FBXO36: variants seen among roughly 807,000 people sequenced by gnomAD.
FBXO36 encodes the protein F-box only protein 36.
Under a neutral mutation model 17.0 loss-of-function variants are expected in FBXO36, and 18 were observed. That is an observed-to-expected ratio of 1.06 (90% CI 0.73 to 1.57). The LOEUF is 1.57. FBXO36 is among the 40% of genes most tolerant of loss of function. FBXO36 has a pLI of 0.00. For synonymous variants in FBXO36, 83 were observed against 85.3 expected, an observed-to-expected ratio of 0.97 and a Z score of 0.15; for missense variants, 229 against 221.9, an observed-to-expected ratio of 1.03 and a Z score of -0.20.
Position 229,940,980 on chromosome 2 carries a change from G to A in FBXO36, c.96+18371G>A, listed in dbSNP as rs114106483. On this transcript the variant is annotated intron_variant, in intron 1 of 3. Transcript: ENST00000283946. ...ATAGAGTTGCCTGGGTGTGTTGCTC[G>A]TTTCACACCTGTCCAAGCCTCCACC... is the stretch of plus-strand genomic sequence containing the variant. Among the ~76,000 whole-genome samples, 1,000 of 152,178 alleles carry A rather than the reference G, an allele frequency of 6.6e-3. 12 individuals carry two copies. The highest frequency in any genetic ancestry group is 0.023 in the African/African-American group (954 of 41,512).
At chr2:229,935,584 C>T (rs535076155) in intron 1 of FBXO36, among the ~76,000 whole-genome samples, 3 of 151,986 alleles carry the variant, frequency 2.0e-5, no homozygotes, top group Admixed American at 6.6e-5. Context: ...TAGTAATTTT[C>T]AATGCTTTTT....
intron 1 of FBXO36, among the ~76,000 whole-genome samples, chr2:229,922,920 C>G (rs908904809): frequency 1.2e-4 from 18 of 152,206 alleles, no homozygotes; most frequent in African/African-American, 4.3e-4. Flanking sequence ...AAACGGGCGT[C>G]TCCGGCTTGC....
chr2:229,933,170 A>C (rs991217216), intron 1 of FBXO36, among the ~76,000 whole-genome samples: 1 of 152,288 alleles, frequency 6.6e-6, no homozygotes, highest in East Asian at 1.9e-4. Flanking sequence ...AGGCGGGTGG[A>C]TCACCTGAGG....
rs1435824441 is a variant in FBXO36 at position 230,010,790 on chromosome 2, G to A, written c.473G>A (p.Trp158Ter). 6.2e-6 allele frequency: 10 copies of A among 1,613,864 alleles called. No individual in the cohort carries two copies. Among genetic ancestry groups the A allele is most frequent in the South Asian group, 3.3e-5 (3 of 91,076 alleles). The change falls in exon 4 of 4, where the codon TGG becomes TAG. Residue 158 changes from tryptophan to a stop codon, truncating the protein, a stop_gained. Coordinates refer to ENST00000283946, the MANE Select transcript of FBXO36 (RefSeq NM_174899.5). LOFTEE classifies it low-confidence loss of function (END_TRUNC). ...AGGGCCCTGGCGGAGGACACAGGCT[G>A]GAGACAGCTGTTCTTCACCAACAAG... ...DVRALAEDTG[W>*]RQLFFTNKLQ...
At chr2:229,932,045 A>C (rs774687704) in intron 1 of FBXO36, among the ~76,000 whole-genome samples, 30 of 151,776 alleles carry the variant, frequency 2.0e-4, no homozygotes, top group Admixed American at 5.3e-4. Context: ...GCCCCCTGAA[A>C]ATAGCAGAGA....
At chr2:229,991,178 G>C (rs989365267) in intron 2 of FBXO36, among the ~76,000 whole-genome samples, 2 of 151,938 alleles carry the variant, frequency 1.3e-5, no homozygotes, top group South Asian at 4.2e-4. Context: ...TTAAGTAATC[G>C]GCCCACCTTG....
intron 1 of FBXO36, among the ~76,000 whole-genome samples, chr2:229,939,461 AT>A (rs1197189630): frequency 6.6e-6 from 1 of 151,904 alleles, no homozygotes; most frequent in Non-Finnish European, 1.5e-5. Flanking sequence ...AAAAAAAAAA[AT>A]TAGCCGGACA....
At chr2:229,932,434 C>A (rs947766029) in intron 1 of FBXO36, among the ~76,000 whole-genome samples, 7 of 152,090 alleles carry the variant, frequency 4.6e-5, no homozygotes, top group African/African-American at 1.7e-4. Flanking sequence ...GCAGGAGAAT[C>A]ACTTGAACCC....
intron 1 of FBXO36, among the ~76,000 whole-genome samples, chr2:229,929,836 G>A (rs2076930571): frequency 6.6e-6 from 1 of 152,186 alleles, no homozygotes; most frequent in Admixed American, 6.5e-5. Context: ...TCCAGCTTGT[G>A]CAACAGAGTA....
At chr2:229,926,871 G>GT (rs2076915476) in intron 1 of FBXO36, among the ~76,000 whole-genome samples, 1 of 147,834 alleles carries the variant, frequency 6.8e-6, no homozygotes, top group African/African-American at 2.5e-5. Flanking sequence ...TTTTTTTTTT[G>GT]TTTTTGCAAC....
In FBXO36 at chr2:229,954,234, A is replaced by ATTTTTTTTTTTTTTTTTTTTT. The variant is rs60093081; in HGVS notation, c.97-22001_97-21981dup. Reference sequence around the variant, plus strand: ...GCAACTGTCATTACAAACCCTTTGGATTTTTTTTTTTTTTTTTTTTTTTTT... The same window carrying ATTTTTTTTTTTTTTTTTTTTT: ...GCAACTGTCATTACAAACCCTTTGGATTTTTTTTTTTTTTTTTTTTTTTTTTTTTTTTTTTTTTTTTTTTTT... On this transcript the variant is annotated intron_variant, in intron 1 of 3. Coordinates refer to ENST00000283946, the MANE Select transcript of FBXO36 (RefSeq NM_174899.5). 2.1e-3 allele frequency among the ~76,000 whole-genome samples: 147 copies of ATTTTTTTTTTTTTTTTTTTTT among 71,400 alleles called. 34 individuals carry two copies. The highest frequency in any genetic ancestry group is 2.4e-3 in the Non-Finnish European group (92 of 38,928). 46.8% of individuals were successfully genotyped at this position (71,400 alleles called of 152,430 possible). A position where few individuals can be genotyped will look rare whatever the true frequency, so the allele number is the denominator to read the frequency against.
intron 3 of FBXO36, among the ~76,000 whole-genome samples, chr2:230,008,123 T>C (rs1477460664): frequency 1.3e-5 from 2 of 152,142 alleles, no homozygotes; most frequent in African/African-American, 2.4e-5. Flanking sequence ...GGAGATCTCC[T>C]AGCATCACTG....
At chr2:229,961,721 C>T (rs2077122535) in intron 1 of FBXO36, among the ~76,000 whole-genome samples, 3 of 151,952 alleles carry the variant, frequency 2.0e-5, no homozygotes, top group African/African-American at 7.2e-5. Flanking sequence ...CCTCTTTCCC[C>T]GAAAAAGGTG....
intron 2 of FBXO36, among the ~76,000 whole-genome samples, chr2:229,977,730 G>A (rs769415539): frequency 4.6e-5 from 7 of 152,004 alleles, no homozygotes; most frequent in African/African-American, 1.4e-4. Context: ...AATTACAGGC[G>A]TGAGCCACTG....
chr2:229,972,903 A>G (rs2077188048), intron 1 of FBXO36, among the ~76,000 whole-genome samples: 1 of 151,906 alleles, frequency 6.6e-6, no homozygotes, highest in African/African-American at 2.4e-5. Flanking sequence ...CTCTACTAAA[A>G]ATACAAAAAT....
rs1237363563 is a variant in FBXO36, at chr2:229,961,108, CA to C, written c.97-15121del. Among the ~76,000 whole-genome samples the C allele has an allele frequency of 1.4e-3, 194 of 138,546 alleles. 1 individual carries two copies. Among genetic ancestry groups the C allele is most frequent in the Non-Finnish European group, 2.1e-3 (136 of 63,606 alleles). The allele number at this position is 138,546 out of a possible 152,430, so 90.9% of individuals were successfully genotyped here. ...TGGGCCTCAGAGCGAGACTCCATCT[CA>C]AAAAAAAAAAATAAATTTATTCCTT... On this transcript the variant is annotated intron_variant, in intron 1 of 3. Transcript: ENST00000283946.
chr2:229,981,567 G>A (rs960434155), intron 2 of FBXO36, among the ~76,000 whole-genome samples: 25 of 151,674 alleles, frequency 1.6e-4, no homozygotes, highest in African/African-American at 5.8e-4. Flanking sequence ...TTGGCTGGGC[G>A]TGGTGGTGCC....
At chr2:229,976,578 T>TG (rs1381911941) in intron 2 of FBXO36, 1 of 344,656 alleles carries the variant, frequency 2.9e-6, no homozygotes, top group East Asian at 6.1e-5. Context: ...CCCAACACTT[T>TG]GGGAGGCCGA....
rs150037514 is a variant in FBXO36 at position 229,990,337 on chromosome 2, G to T, written c.206-6414G>T. On this transcript the variant is annotated intron_variant, in intron 2 of 3. Transcript: ENST00000283946. ...TTGAAGATGATACCAACCCATATTTGTACCATTCATTATTATTGTTACTGT... is the reference window on the plus strand; with the variant it reads ...TTGAAGATGATACCAACCCATATTTTTACCATTCATTATTATTGTTACTGT... 5.1e-3 allele frequency among the ~76,000 whole-genome samples: 765 copies of T among 151,044 alleles called. 4 individuals are homozygous for T. The highest frequency in any genetic ancestry group is 0.017 in the African/African-American group (714 of 41,266).
Sources: gnomAD v4.1 joint callset for allele counts (sites outside exome capture counted in the v4.1 genomes callset) on GRCh38, gnomAD v4.1.1 for gene constraint, MANE v1.5 for transcripts, NCBI Gene and HGNC (gene_info 2026-07-23, HGNC 2026-07-21) for gene names.